The following SCARB2 variants were observed in gnomAD, a reference collection of about 807,000 sequenced individuals.
SCARB2 encodes the protein lysosome membrane protein 2.
Under a neutral mutation model 58.6 loss-of-function variants are expected in SCARB2, and 29 were observed. The ratio of observed to expected loss-of-function variants is 0.49; its 90% CI spans 0.37 to 0.67. The LOEUF is 0.67. Ranked by LOEUF, SCARB2 falls within the 30% of genes least tolerant of loss-of-function variation. The pLI is 0.00. For missense variants in SCARB2, 488 were observed against 578.5 expected (o/e 0.84, Z 1.60); for synonymous variants, 195 against 210.1 (o/e 0.93, Z 0.62).
intron 2 of SCARB2, among the ~76,000 whole-genome samples, chr4:76,189,942 G>A (rs1315053091): frequency 1.3e-5 from 2 of 151,900 alleles, no homozygotes; most frequent in Non-Finnish European, 2.9e-5. Flanking sequence ...AGATTTGGCT[G>A]GTGGGGACAC....
intron 1 of SCARB2, among the ~76,000 whole-genome samples, chr4:76,233,832 T>C (rs1733535149): frequency 1.3e-5 from 2 of 152,100 alleles, no homozygotes; most frequent in South Asian, 4.2e-4. Flanking sequence ...ACCAAAACTT[T>C]GCAGATAATA....
intron 1 of SCARB2, among the ~76,000 whole-genome samples, chr4:76,232,082 C>T (rs1733502816): frequency 2.0e-5 from 3 of 152,104 alleles, no homozygotes; most frequent in African/African-American, 7.2e-5. Context: ...TTTAGAGGAA[C>T]CAGGCAGAGA....
At chr4:76,229,962 A>T (rs544182049) in intron 1 of SCARB2, among the ~76,000 whole-genome samples, 2 of 152,264 alleles carry the variant, frequency 1.3e-5, no homozygotes, top group East Asian at 3.9e-4. Flanking sequence ...GAGGTGGATG[A>T]TCTCCAGCCA....
intron 1 of SCARB2, among the ~76,000 whole-genome samples, chr4:76,200,112 A>G (rs932753476): frequency 1.3e-5 from 2 of 152,166 alleles, no homozygotes; most frequent in African/African-American, 2.4e-5. Flanking sequence ...TGTCCCCCTC[A>G]AAGGCGCCCT....
chr4:76,176,654 G>T (rs1732257411), intron 4 of SCARB2, 126 bp from the exon 5 acceptor site: 1 of 680,890 alleles, frequency 1.5e-6, no homozygotes, highest in African/African-American at 1.8e-5. Context: ...TATTTTGTAG[G>T]TGTGATTAAT....
intron 1 of SCARB2, among the ~76,000 whole-genome samples, chr4:76,206,260 C>T (rs772784808): frequency 8.5e-5 from 13 of 152,070 alleles, no homozygotes; most frequent in Non-Finnish European, 8.8e-5. Context: ...GTTTATAAGC[C>T]ACCCAGTCTA....
In SCARB2 at chr4:76,178,566, A is replaced by G. The variant is rs1273831917; in HGVS notation, c.612+951T>C. Among the ~76,000 whole-genome samples the G allele has an allele frequency of 3.9e-5, 6 of 152,264 alleles. No individual in the cohort carries two copies. The East Asian group carries it at 1.2e-3, about 29-fold the overall frequency. The stretch of plus-strand genomic sequence containing the variant: ...TCTCTCAGTAGGAGGCTCTCCTGAA[A>G]TTATTTCTAGAAGGGAGGTTCAGTC... On this transcript the variant is annotated intron_variant, in intron 4 of 11. Transcript: ENST00000264896.
chr4:76,234,530 G>A (rs970356115), exon 1 of SCARB2: 1 of 152,166 alleles, frequency 6.6e-6, no homozygotes, highest in African/African-American at 2.4e-5. Flanking sequence ...GGAATCCTAG[G>A]TTCCACACAG....
intron 1 of SCARB2, among the ~76,000 whole-genome samples, chr4:76,204,020 T>C (rs1008485553): frequency 2.0e-5 from 3 of 152,240 alleles, no homozygotes; most frequent in Admixed American, 1.3e-4. Context: ...TGTTGCCATC[T>C]GCACAGTCTA....
At chr4:76,217,665 C>A (rs755124881), upstream of SCARB2, 2 of 650,620 alleles carry the variant, frequency 3.1e-6, no homozygotes, top group South Asian at 3.5e-5. Flanking sequence ...GCCAAATAAA[C>A]CTCTTTTCAC....
intron 8 of SCARB2, among the ~76,000 whole-genome samples, chr4:76,169,342 G>A (rs58689213): frequency 0.042 from 4,016 of 95,848 alleles, 167 homozygotes; most frequent in African/African-American, 0.18. Context: ...ACACACACAC[G>A]TGTGTATGTC....
intron 11 of SCARB2, chr4:76,162,935 T>A: frequency 5.1e-6 from 3 of 589,636 alleles, no homozygotes; most frequent in Non-Finnish European, 9.0e-6. Context: ...TTCTTCCTTT[T>A]CTTTCAGGTT....
At chr4:76,186,726 C>T (rs973946493) in intron 2 of SCARB2, among the ~76,000 whole-genome samples, 12 of 152,142 alleles carry the variant, frequency 7.9e-5, no homozygotes, top group African/African-American at 2.7e-4. Flanking sequence ...TAATGTACCA[C>T]GTGCATTTAA....
At chr4:76,171,280 T>C (rs1452476917) in intron 7 of SCARB2, among the ~76,000 whole-genome samples, 2 of 152,308 alleles carry the variant, frequency 1.3e-5, no homozygotes, top group African/African-American at 4.8e-5. Context: ...TAATAGGGGC[T>C]ACTGTCCTGA....
intron 5 of SCARB2, 53 bp downstream of exon 5, chr4:76,176,384 T>C (rs1732252052): frequency 2.4e-6 from 3 of 1,227,552 alleles, no homozygotes; most frequent in South Asian, 2.4e-5. Flanking sequence ...AGTAGACATG[T>C]AGTTTAAATG....
rs1217015681 is a variant in SCARB2, at chr4:76,221,519, C to T, written c.-358+12784G>A. The stretch of plus-strand genomic sequence containing the variant: ...ATTTTTAGCAGAGACGGGATTTCAT[C>T]ACACTGGCCAGGCTGGTCTTGAACT... On this transcript the variant is annotated intron_variant, in intron 1 of 11. Transcript: ENST00000638295. Among the ~76,000 whole-genome samples the T allele has an allele frequency of 2.0e-5, 3 of 152,236 alleles. No homozygotes were observed. The East Asian group carries it at 5.8e-4, about 29-fold the overall frequency.
chr4:76,216,869 A>T (rs568722609), upstream of SCARB2, among the ~76,000 whole-genome samples: 1 of 152,354 alleles, frequency 6.6e-6, no homozygotes, highest in South Asian at 2.1e-4. Flanking sequence ...GCTTTTAAGA[A>T]AATAATGTAT....
chr4:76,234,360 G>T, exon 1 of SCARB2: 1 of 152,696 alleles, frequency 6.5e-6, no homozygotes, highest in Non-Finnish European at 1.5e-5. Flanking sequence ...CCTTTGTGAA[G>T]CTAAAGATGG....
intron 1 of SCARB2, among the ~76,000 whole-genome samples, chr4:76,203,053 G>A (rs1316894596): frequency 1.3e-5 from 2 of 152,124 alleles, no homozygotes; most frequent in South Asian, 4.1e-4. Context: ...ATGCAGTGGT[G>A]CAATCTTGGC....
Sources: gnomAD v4.1 joint callset for allele counts (sites outside exome capture counted in the v4.1 genomes callset) on GRCh38, gnomAD v4.1.1 for gene constraint, MANE v1.5 for transcripts, NCBI Gene and HGNC (gene_info 2026-07-23, HGNC 2026-07-21) for gene names.